Variants in ELMO1 observed in about 807,000 individuals in gnomAD.
ELMO1 encodes the protein engulfment and cell motility protein 1.
In ELMO1, 26 loss-of-function variants were observed where a neutral mutation model predicts 98.9. The observed-to-expected ratio is 0.26, with a 90% CI of 0.19 to 0.36. ELMO1 has a LOEUF of 0.36. Among genes scored for constraint, ELMO1 ranks in the 10% least tolerant of loss-of-function variants. The pLI, the probability that ELMO1 is intolerant of heterozygous loss-of-function variation, is 1.00. For synonymous variants in ELMO1, 346 were observed against 346.0 expected (o/e 1.00, Z 0.00); for missense variants, 627 against 935.2 (o/e 0.67, Z 4.30).
At chr7:37,315,278 T>C (rs187593450) in intron 3 of ELMO1, among the ~76,000 whole-genome samples, 1 of 152,340 alleles carries the variant, frequency 6.6e-6, no homozygotes, top group East Asian at 1.9e-4. Context: ...TTTAAGTTTT[T>C]GAAAGTTGGC....
intron 16 of ELMO1, among the ~76,000 whole-genome samples, chr7:36,978,057 A>G (rs1446247681): frequency 5.3e-5 from 8 of 152,230 alleles, no homozygotes; most frequent in Non-Finnish European, 1.0e-4. Context: ...TACCTGATAC[A>G]GGGTTGGCAT....
At chr7:36,963,198 T>C in intron 16 of ELMO1, among the ~76,000 whole-genome samples, 1 of 151,790 alleles carries the variant, frequency 6.6e-6, no homozygotes, top group Admixed American at 6.6e-5. Context: ...GCCAACACAG[T>C]GAAACCCTGT....
At chr7:36,994,469 A>T (rs1446956402) in intron 16 of ELMO1, among the ~76,000 whole-genome samples, 1 of 152,236 alleles carries the variant, frequency 6.6e-6, no homozygotes, top group Non-Finnish European at 1.5e-5. Flanking sequence ...AAGAAGACAA[A>T]ATCCTACTGC....
intron 16 of ELMO1, among the ~76,000 whole-genome samples, chr7:36,978,037 C>A (rs960589750): frequency 6.6e-6 from 1 of 152,132 alleles, no homozygotes; most frequent in African/African-American, 2.4e-5. Flanking sequence ...AATCCCAAGG[C>A]CTAGAACAGT....
At chr7:37,012,233 T>G (rs1261421546) in intron 16 of ELMO1, among the ~76,000 whole-genome samples, 1 of 152,170 alleles carries the variant, frequency 6.6e-6, no homozygotes, top group Non-Finnish European at 1.5e-5. Context: ...TCTTTTCAAT[T>G]GGTGTTGGTT....
chr7:36,925,634 T>C (rs1785507065), intron 16 of ELMO1, among the ~76,000 whole-genome samples: 1 of 152,182 alleles, frequency 6.6e-6, no homozygotes, highest in African/African-American at 2.4e-5. Context: ...GTCCTTTTCT[T>C]TTCACTTTGC....
At chr7:37,201,432 T>C (rs17170917) in intron 13 of ELMO1, among the ~76,000 whole-genome samples, 1,751 of 152,344 alleles carry the variant, frequency 0.011, 38 homozygotes, top group African/African-American at 0.04. Flanking sequence ...CTTAAAATAC[T>C]TTCATGACAG....
chr7:37,252,052 C>T (rs1795376403), intron 6 of ELMO1, among the ~76,000 whole-genome samples: 1 of 152,142 alleles, frequency 6.6e-6, no homozygotes, highest in Non-Finnish European at 1.5e-5. Context: ...TCAAGGAGAA[C>T]TACAAACTAC....
intron 2 of ELMO1, among the ~76,000 whole-genome samples, chr7:37,337,976 G>A (rs4720243): frequency 0.43 from 65,381 of 151,952 alleles, 14,205 homozygotes; most frequent in East Asian, 0.5. Flanking sequence ...CCTCCCACTT[G>A]TCTTTTAATT....
intron 13 of ELMO1, among the ~76,000 whole-genome samples, chr7:37,154,878 G>A (rs980332758): frequency 6.6e-6 from 1 of 152,164 alleles, no homozygotes; most frequent in African/African-American, 2.4e-5. Flanking sequence ...TACCAAGGTT[G>A]AAAGGAAGGA....
At chr7:37,198,491 C>T (rs74385954) in intron 13 of ELMO1, among the ~76,000 whole-genome samples, 1,606 of 152,280 alleles carry the variant, frequency 0.011, 28 homozygotes, top group African/African-American at 0.037. Flanking sequence ...ACGACTATAT[C>T]CAACTCACTA....
chr7:37,447,512 G>C (rs955435619), intron 1 of ELMO1, among the ~76,000 whole-genome samples: 3 of 151,850 alleles, frequency 2.0e-5, no homozygotes, highest in Non-Finnish European at 4.4e-5. Flanking sequence ...GGTCCTTTAG[G>C]TCAAGGCAGG....
intron 13 of ELMO1, among the ~76,000 whole-genome samples, chr7:37,152,390 G>A (rs201435343): frequency 1.3e-5 from 2 of 152,016 alleles, no homozygotes; most frequent in East Asian, 3.9e-4. Context: ...AGAAAACCTG[G>A]GTGAGAGGTC....
At chr7:37,117,991 GGAC>G (rs1400269889) in intron 14 of ELMO1, among the ~76,000 whole-genome samples, 1 of 152,094 alleles carries the variant, frequency 6.6e-6, no homozygotes, top group Non-Finnish European at 1.5e-5. Context: ...GCCATTTCAG[GGAC>G]GAGAGAAGGG....
chr7:37,404,835 A>G (rs1260133450), intron 1 of ELMO1, among the ~76,000 whole-genome samples: 1 of 152,234 alleles, frequency 6.6e-6, no homozygotes, highest in Non-Finnish European at 1.5e-5. Flanking sequence ...GGTAATCGTT[A>G]CTTGATGAAA....
chr7:37,306,616 T>C (rs1224300177), intron 4 of ELMO1, among the ~76,000 whole-genome samples: 2 of 152,224 alleles, frequency 1.3e-5, no homozygotes, highest in Non-Finnish European at 2.9e-5. Context: ...TTGTTAAAGA[T>C]GCCTGAACCT....
chr7:36,927,315 G>C (rs1785658442), intron 16 of ELMO1, among the ~76,000 whole-genome samples: 1 of 152,184 alleles, frequency 6.6e-6, no homozygotes, highest in Admixed American at 6.5e-5. Flanking sequence ...AAGATATATA[G>C]TACTGGAGAT....
intron 1 of ELMO1, among the ~76,000 whole-genome samples, chr7:37,346,673 T>G (rs1397962987): frequency 6.6e-6 from 1 of 152,248 alleles, no homozygotes. Context: ...GCAAACAGAT[T>G]GTGTGAATTT....
At chr7:37,395,938 T>TAA (rs1803284543) in intron 1 of ELMO1, among the ~76,000 whole-genome samples, 1 of 151,408 alleles carries the variant, frequency 6.6e-6, no homozygotes, top group Non-Finnish European at 1.5e-5. Context: ...TAGTTTTTTG[T>TAA]AGGCAGTCTC....
Sources: allele counts gnomAD v4.1 joint callset (sites outside exome capture counted in the v4.1 genomes callset), GRCh38; gene constraint gnomAD v4.1.1; transcripts MANE v1.5; gene names NCBI Gene and HGNC (gene_info 2026-07-23, HGNC 2026-07-21).